The following C2CD4C variants were observed in gnomAD, a reference collection of about 807,000 sequenced individuals.
C2CD4C encodes the protein C2 calcium dependent domain containing 4C.
C2CD4C carries 3 observed loss-of-function variants against 4.1 expected under a neutral mutation model. That is an observed-to-expected ratio of 0.73 (90% confidence interval 0.33 to 1.88). The LOEUF (loss-of-function observed/expected upper bound fraction) is 1.88. C2CD4C is among the 40% of genes most tolerant of loss of function. C2CD4C has a pLI of 0.08. For missense variants in C2CD4C, 664 were observed against 621.5 expected (o/e 1.07, Z -0.73); for synonymous variants, 364 against 290.4 (o/e 1.25, Z -2.57).
In C2CD4C at chr19:408,161, G is replaced by T; in HGVS notation, c.201C>A (p.Ala67=). ...PSGPAEGEGQ[A]ALGPSTSEQN... ...GTTCCGACGTGGAGGGGCCCAGCGC[G>T]GCCTGTCCCTCGCCCTCCGCGGGGC... is the stretch of plus-strand genomic sequence containing the variant. The change falls in exon 2 of 2, where the codon GCC becomes GCA. Residue 67 remains alanine, a synonymous_variant. Transcript: ENST00000332235. The T allele has an allele frequency of 1.4e-6, 2 of 1,452,470 alleles. No homozygotes were observed. The highest frequency in any genetic ancestry group is 1.8e-6 in the Non-Finnish European group (2 of 1,102,124). 90.0% of individuals were successfully genotyped at this position (1,452,470 alleles called of 1,614,324 possible).
chr19:408,170 C>T lies in C2CD4C; in HGVS notation c.192G>A (p.Glu64=), dbSNP rs1194622364. The change falls in exon 2 of 2, where the codon GAG becomes GAA. Residue 64 remains glutamate (E), a synonymous_variant. Coordinates refer to ENST00000332235, the MANE Select transcript of C2CD4C (RefSeq NM_001136263.2). ...TGGAGGGGCCCAGCGCGGCCTGTCCCTCGCCCTCCGCGGGGCCCGAGGGCA... is the reference window on the plus strand; with the variant it reads ...TGGAGGGGCCCAGCGCGGCCTGTCCTTCGCCCTCCGCGGGGCCCGAGGGCA... The part of the protein sequence containing the change: ...PKLPSGPAEG[E]GQAALGPSTS... The T allele has an allele frequency of 1.4e-6, 2 of 1,451,966 alleles. No homozygotes were observed. Among genetic ancestry groups the T allele is most frequent in the South Asian group, 1.5e-5 (1 of 68,410 alleles). 89.9% of individuals were successfully genotyped at this position (1,451,966 alleles called of 1,614,324 possible).
intron 1 of C2CD4C, among the ~76,000 whole-genome samples, 151 bp downstream of exon 1, chr19:408,855 T>G (rs1393674812): frequency 1.3e-5 from 2 of 150,556 alleles, no homozygotes; most frequent in African/African-American, 4.9e-5. Flanking sequence ...GCGTTCGGGG[T>G]GGGGGAAGGG....
chr19:407,806 C>A lies in C2CD4C; in HGVS notation c.556G>T (p.Ala186Ser). ...VGSPGAGRRR[A>S]AAKANGGDGG... ...TCACCCCCGTTGGCCTTGGCAGCTG[C>A]CCGGCGGCGCCCGGCCCCTGGGGAG... Residue 186 changes from alanine (A) to serine (S), a missense_variant, in exon 2 of 2, where the codon GCA becomes TCA. Transcript: ENST00000332235. The A allele has an allele frequency of 6.5e-7, 1 of 1,533,186 alleles. No homozygotes were observed. The highest frequency in any genetic ancestry group is 1.2e-5 in the South Asian group (1 of 82,322). 95.0% of individuals were successfully genotyped at this position (1,533,186 alleles called of 1,614,324 possible).
At position 407,357 on chromosome 19, in the gene C2CD4C, G is replaced by A; in HGVS notation, c.1005C>T (p.Arg335=). 6.5e-7 allele frequency: 1 copy of A among 1,545,142 alleles called. No homozygotes were observed. Residue 335 remains arginine, a synonymous_variant, in exon 2 of 2, where the codon CGC becomes CGT. Coordinates refer to ENST00000332235, the MANE Select transcript of C2CD4C (RefSeq NM_001136263.2). The part of the protein sequence containing the change: ...HLLAAEGLYD[R]LCDARSINCC... ...AGTTGATGCTGCGGGCGTCGCACAG[G>A]CGGTCGTAGAGGCCCTCGGCGGCCA...
chr19:408,431 T>TG (rs1326715096), intron 1 of C2CD4C, 30 bp from the exon 2 acceptor site: 6 of 1,161,010 alleles, frequency 5.2e-6, no homozygotes, highest in Admixed American at 6.6e-5. Context: ...TCAGGAGCAG[T>TG]GGGGGGCGGC....
chr19:408,281 C>G lies in C2CD4C; in HGVS notation c.81G>C (p.Glu27Asp). Reference protein sequence around the residue: ...ENGAARGVGSEAGDKASKGPL... With the variant: ...ENGAARGVGSDAGDKASKGPL... Reference sequence around the variant, plus strand: ...GCCCCTTGGAGGCCTTGTCCCCCGCCTCACTCCCCACGCCCCGGGCAGCAC... The same window carrying G: ...GCCCCTTGGAGGCCTTGTCCCCCGCGTCACTCCCCACGCCCCGGGCAGCAC... Residue 27 changes from glutamate (E) to aspartate (D), a missense_variant, in exon 2 of 2, where the codon GAG (glutamate) becomes GAC (aspartate). By Grantham distance (45) the Glu-to-Asp change is conservative. Transcript: ENST00000332235. 6.6e-7 allele frequency: 1 copy of G among 1,525,518 alleles called. No homozygotes were observed. Among genetic ancestry groups the G allele is most frequent in the South Asian group, 1.2e-5 (1 of 80,828 alleles). 94.5% of individuals were successfully genotyped at this position (1,525,518 alleles called of 1,614,324 possible). A position where few individuals can be genotyped will look rare whatever the true frequency, so the allele number is the denominator to read the frequency against.
intron 1 of C2CD4C, 40 bp downstream of exon 1, chr19:408,966 C>G (rs1379893389): frequency 6.6e-6 from 1 of 152,110 alleles, no homozygotes; most frequent in Non-Finnish European, 1.5e-5. Context: ...GGGTGGGGTC[C>G]CGGCGGTCCC....
intron 1 of C2CD4C, 57 bp from the exon 2 acceptor site, chr19:408,458 G>A (rs1974035787): frequency 5.6e-6 from 5 of 887,072 alleles, no homozygotes; most frequent in Non-Finnish European, 7.6e-6. Context: ...AGGGCCCTGG[G>A]CACCTGCTCC....
chr19:407,413 C>A lies in C2CD4C; in HGVS notation c.949G>T (p.Ala317Ser). Residue 317 changes from alanine (A) to serine (S), a missense_variant, in exon 2 of 2, where the codon GCC (alanine) becomes TCC (serine). Ala to Ser is a moderately conservative substitution (Grantham distance 99, BLOSUM62 1). Transcript: ENST00000332235. ...TGCACCCGCAGGCGGGCCTGGCCGG[C>A]CTCGTACTCGGCCAGCAGCCGCACG... ...GSVRLLAEYE[A>S]GQARLRVHLL... 1 of 1,527,730 alleles carries A rather than the reference C, an allele frequency of 6.5e-7. No homozygotes were observed. The highest frequency in any genetic ancestry group is 8.8e-7 in the Non-Finnish European group (1 of 1,142,002). 94.6% of individuals were successfully genotyped at this position (1,527,730 alleles called of 1,614,324 possible). A position where few individuals can be genotyped will look rare whatever the true frequency, so the allele number is the denominator to read the frequency against.
intron 1 of C2CD4C, among the ~76,000 whole-genome samples, chr19:408,693 C>G (rs569094488): frequency 6.6e-6 from 1 of 152,228 alleles, no homozygotes; most frequent in African/African-American, 2.4e-5. Context: ...CGCCCGCCCC[C>G]ACTCTGGTTT....
chr19:407,525 G>C lies in C2CD4C; in HGVS notation c.837C>G (p.Arg279=). The part of the protein sequence containing the change: ...TPDASPGSRR[R]LTRRAPPEPG... ...GTTCCGGGGGTGCCCGGCGGGTCAG[G>C]CGGCGCCGGCTCCCGGGGCTGGCGT... The change falls in exon 2 of 2, where the codon CGC becomes CGG. Residue 279 remains arginine, a synonymous_variant. Coordinates refer to ENST00000332235, the MANE Select transcript of C2CD4C (RefSeq NM_001136263.2). 7.2e-7 allele frequency: 1 copy of C among 1,385,398 alleles called. No homozygotes were observed. Among genetic ancestry groups the C allele is most frequent in the Non-Finnish European group, 9.3e-7 (1 of 1,071,666 alleles). 85.8% of individuals were successfully genotyped at this position (1,385,398 alleles called of 1,614,324 possible). A position where few individuals can be genotyped will look rare whatever the true frequency, so the allele number is the denominator to read the frequency against.
chr19:407,886 G>A lies in C2CD4C; in HGVS notation c.476C>T (p.Thr159Met). The A allele has an allele frequency of 6.5e-7, 1 of 1,549,264 alleles. No homozygotes were observed. The highest frequency in any genetic ancestry group is 8.7e-7 in the Non-Finnish European group (1 of 1,146,446). The change falls in exon 2 of 2, where the codon ACG becomes ATG. Residue 159 changes from threonine to methionine, a missense_variant. Coordinates refer to ENST00000332235, the MANE Select transcript of C2CD4C (RefSeq NM_001136263.2). ...GTGGAACAGAGACTCCTTGCGCCTC[G>A]TGTGGGGGCTCTCAGCCAGCATGGC... ...GFAMLAESPH[T>M]RRKESLFHSE...
chr19:407,345 G>A lies in C2CD4C; in HGVS notation c.1017C>T (p.Ala339=). The change falls in exon 2 of 2, where the codon GCC becomes GCT. Residue 339 remains alanine, a synonymous_variant. Coordinates refer to ENST00000332235, the MANE Select transcript of C2CD4C (RefSeq NM_001136263.2). ...AEGLYDRLCD[A]RSINCCVGLC... ...GGCCCACGCAGCAGTTGATGCTGCGGGCGTCGCACAGGCGGTCGTAGAGGC... is the reference window on the plus strand; with the variant it reads ...GGCCCACGCAGCAGTTGATGCTGCGAGCGTCGCACAGGCGGTCGTAGAGGC... 5 of 1,547,352 alleles carry A rather than the reference G, an allele frequency of 3.2e-6. No individual in the cohort carries two copies. The highest frequency in any genetic ancestry group is 4.4e-6 in the Non-Finnish European group (5 of 1,146,666).
At chr19:408,434 G>A (rs1974035115) in intron 1 of C2CD4C, 33 bp from the exon 2 acceptor site, 9 of 1,442,840 alleles carry the variant, frequency 6.2e-6, no homozygotes, top group African/African-American at 1.5e-5. Flanking sequence ...GGAGCAGTGG[G>A]GGGCGGCTGG....
At chr19:408,700 G>C (rs1403224295) in intron 1 of C2CD4C, among the ~76,000 whole-genome samples, 1 of 152,156 alleles carries the variant, frequency 6.6e-6, no homozygotes, top group Non-Finnish European at 1.5e-5. Context: ...CCCCACTCTG[G>C]TTTTGAGCAT....
chr19:407,383 G>A lies in C2CD4C; in HGVS notation c.979C>T (p.Leu327=). 5.8e-6 allele frequency: 9 copies of A among 1,539,118 alleles called. No homozygotes were observed. The highest frequency in any genetic ancestry group is 7.9e-6 in the Non-Finnish European group (9 of 1,145,576). ...CGGTCGTAGAGGCCCTCGGCGGCCA[G>A]CAGGTGCACCCGCAGGCGGGCCTGG... is the stretch of plus-strand genomic sequence containing the variant. The part of the protein sequence containing the change: ...AGQARLRVHL[L]AAEGLYDRLC... Residue 327 remains leucine (L), a synonymous_variant, in exon 2 of 2, where the codon CTG becomes TTG. Transcript: ENST00000332235.
rs1974015030 is a variant in C2CD4C at position 407,748 on chromosome 19, A to T, written c.614T>A (p.Met205Lys). The T allele has an allele frequency of 1.3e-6, 2 of 1,519,056 alleles. No homozygotes were observed. Among genetic ancestry groups the T allele is most frequent in the African/African-American group, 1.4e-5 (1 of 71,624 alleles). 94.1% of individuals were successfully genotyped at this position (1,519,056 alleles called of 1,614,324 possible). ...GCCACTGAAGTAGCGGCCGGGGCTC[A>T]TGAGGGCCCCGCCAGCCTCCCTGGG... ...GGPREAGGAL[M>K]SPGRYFSGGE... Residue 205 changes from methionine (M) to lysine (K), a missense_variant, in exon 2 of 2, where the codon ATG becomes AAG. Coordinates refer to ENST00000332235, the MANE Select transcript of C2CD4C (RefSeq NM_001136263.2).
Position 406,985 on chromosome 19 carries a change from T to TGCCCCCC in C2CD4C, c.*110_*111insGGGGGGC. 43 of 616,460 alleles carry TGCCCCCC rather than the reference T, an allele frequency of 7.0e-5. No individual in the cohort carries two copies. The highest frequency in any genetic ancestry group is 3.1e-4 in the East Asian group (8 of 26,042). The allele number at this position is 616,460 out of a possible 1,614,324, so 38.2% of individuals were successfully genotyped here. Reference sequence around the variant, plus strand: ...CCAGCCCAGCCTGAGTGTGAGCCCCTCCCCGGCCAGCCCCAGCCCAAGCCA... The same window carrying TGCCCCCC: ...CCAGCCCAGCCTGAGTGTGAGCCCCTGCCCCCCCCCCGGCCAGCCCCAGCCCAAGCCA... On this transcript the variant is annotated 3_prime_UTR_variant, in exon 2 of 2. Coordinates refer to ENST00000332235, the MANE Select transcript of C2CD4C (RefSeq NM_001136263.2).
intron 1 of C2CD4C, 125 bp from the exon 2 acceptor site, chr19:408,526 G>A (rs1057314561): frequency 1.6e-6 from 1 of 630,464 alleles, no homozygotes; most frequent in Non-Finnish European, 2.7e-6. Context: ...GGTCCCCTGG[G>A]GGCGTCCCGC....
Sources: allele counts gnomAD v4.1 joint callset (sites outside exome capture counted in the v4.1 genomes callset), GRCh38; gene constraint gnomAD v4.1.1; transcripts MANE v1.5; gene names NCBI Gene and HGNC (gene_info 2026-07-23, HGNC 2026-07-21).